KCNK18: variants seen among roughly 807,000 people sequenced by gnomAD.
The protein encoded by KCNK18 is potassium channel subfamily K member 18.
KCNK18 carries 8 observed loss-of-function variants against 11.8 expected under a neutral mutation model. The observed-to-expected ratio is 0.68, with a 90% CI of 0.40 to 1.22. The LOEUF (loss-of-function observed/expected upper bound fraction) is 1.22. Among genes scored for constraint, KCNK18 ranks in the 50% most tolerant of loss-of-function variants. The probability of loss-of-function intolerance (pLI) is 0.01; values close to 1 mark genes in which losing one functional copy is unlikely to be tolerated. For synonymous variants in KCNK18, 208 were observed against 185.8 expected (o/e 1.12, Z -0.97); for missense variants, 442 against 465.4 (o/e 0.95, Z 0.46).
intron 1 of KCNK18, 23 bp downstream of exon 1, chr10:117,197,734 G>A: frequency 6.2e-7 from 1 of 1,601,864 alleles, no homozygotes; most frequent in Non-Finnish European, 8.6e-7. Flanking sequence ...CCTGGACAGG[G>A]TGGGCCTTTT....
chr10:117,202,886 CTTTTTT>C (rs201850637), intron 2 of KCNK18, among the ~76,000 whole-genome samples: 2 of 123,014 alleles, frequency 1.6e-5, no homozygotes, highest in Admixed American at 9.0e-5. Context: ...TGCCTGAATG[CTTTTTT>C]TTTTTTTTTT....
chr10:117,209,435 GC>G (rs1855114889), intron 2 of KCNK18, 61 bp from the exon 3 acceptor site: 10 of 1,391,692 alleles, frequency 7.2e-6, no homozygotes, highest in Non-Finnish European at 1.0e-5. Flanking sequence ...TCTCTTTAAA[GC>G]TTTTGGGGGG....
At chr10:117,205,691 T>C (rs1855066919) in intron 2 of KCNK18, among the ~76,000 whole-genome samples, 1 of 152,168 alleles carries the variant, frequency 6.6e-6, no homozygotes, top group Non-Finnish European at 1.5e-5. Context: ...TCCCCACTCA[T>C]TGTCCTGCGT....
rs759966035 is a variant in KCNK18, at chr10:117,209,675, C to T, written c.531C>T (p.Leu177=). The T allele has an allele frequency of 2.7e-5, 43 of 1,614,158 alleles. 1 individual carries two copies. Among genetic ancestry groups the T allele is most frequent in the Non-Finnish European group, 3.1e-5 (36 of 1,180,028 alleles). The change falls in exon 3 of 3, where the codon CTC becomes CTT. Residue 177 remains leucine, a synonymous_variant. Coordinates refer to ENST00000334549, the MANE Select transcript of KCNK18 (RefSeq NM_181840.1). ...TCCCTTTCTTTACCCGCCCCCTCCT[C>T]TCCAAGTGGTGCCCCAAATCTCTCT... is the stretch of plus-strand genomic sequence containing the variant. ...RKFPFFTRPL[L]SKWCPKSLFK... is the part of the protein sequence containing the mutation.
At chr10:117,203,644 A>G (rs1855041380) in intron 2 of KCNK18, among the ~76,000 whole-genome samples, 1 of 152,046 alleles carries the variant, frequency 6.6e-6, no homozygotes, top group Non-Finnish European at 1.5e-5. Context: ...GGTTCAAGCA[A>G]TTTTCCTGTC....
At chr10:117,200,253 T>A (rs1054597167) in intron 1 of KCNK18, among the ~76,000 whole-genome samples, 2 of 152,036 alleles carry the variant, frequency 1.3e-5, no homozygotes, top group Non-Finnish European at 2.9e-5. Flanking sequence ...AATTTTTGTA[T>A]TTTTAGTAGA....
intron 1 of KCNK18, 147 bp downstream of exon 1, chr10:117,197,858 T>C (rs1854968744): frequency 1.4e-6 from 1 of 703,808 alleles, no homozygotes; most frequent in Non-Finnish European, 2.5e-6. Flanking sequence ...GAGTAACTTC[T>C]TTCTGAACCT....
chr10:117,197,738 G>A, intron 1 of KCNK18, 27 bp downstream of exon 1: 2 of 1,600,308 alleles, frequency 1.2e-6, no homozygotes, highest in Middle Eastern at 1.7e-4. Flanking sequence ...GACAGGGTGG[G>A]CCTTTTCTCC....
At chr10:117,209,464 G>T in intron 2 of KCNK18, 33 bp from the exon 3 acceptor site, 1 of 1,583,276 alleles carries the variant, frequency 6.3e-7, no homozygotes, top group Non-Finnish European at 8.7e-7. Flanking sequence ...GAAGGGGCCA[G>T]ATGCAAACTC....
In KCNK18 at chr10:117,209,458, G is replaced by A. The variant is rs755122453; in HGVS notation, c.353-39G>A. 5.2e-6 allele frequency: 8 copies of A among 1,541,020 alleles called. No homozygotes were observed. In the East Asian group the frequency reaches 9.0e-5, roughly 17 times the overall value. ...AAGCTTTTGGGGGGAAAAAGGGAAGGGGCCAGATGCAAACTCTAAGCTCCA... is the reference window on the plus strand; with the variant it reads ...AAGCTTTTGGGGGGAAAAAGGGAAGAGGCCAGATGCAAACTCTAAGCTCCA... On this transcript the variant is annotated intron_variant, in intron 2 of 2. Coordinates refer to ENST00000334549, the MANE Select transcript of KCNK18 (RefSeq NM_181840.1).
intron 1 of KCNK18, 104 bp downstream of exon 1, chr10:117,197,815 C>A: frequency 1.1e-6 from 1 of 907,720 alleles, no homozygotes; most frequent in South Asian, 1.4e-5. Context: ...GAGCTGCCTG[C>A]CTGGATCCTC....
Position 117,210,290 on chromosome 10 carries a change from T to C in KCNK18, c.1146T>C (p.Val382=). Residue 382 remains valine (V), a synonymous_variant, in exon 3 of 3, where the codon GTT becomes GTC. Transcript: ENST00000334549. ...CAAAAGGGAAGTTTTACCACCTTGT[T>C]AAAAAGTGAAGGTTTCATTATCTCT... ...FFAKGKFYHL[V]KK The C allele has an allele frequency of 2.5e-6, 4 of 1,612,518 alleles. No homozygotes were observed. The South Asian group carries it at 3.3e-5, about 13-fold the overall frequency.
chr10:117,201,047 A>C (rs1262921421), intron 1 of KCNK18, 112 bp from the exon 2 acceptor site: 2 of 1,349,328 alleles, frequency 1.5e-6, no homozygotes, highest in Non-Finnish European at 2.1e-6. Flanking sequence ...GATACTGACC[A>C]CAAGGCAAAG....
chr10:117,200,600 A>G (rs112004616), intron 1 of KCNK18, among the ~76,000 whole-genome samples: 10,154 of 152,152 alleles, frequency 0.067, 555 homozygotes, highest in Admixed American at 0.16. Flanking sequence ...AAGGTCAAGA[A>G]ATTGAGACCA....
intron 2 of KCNK18, among the ~76,000 whole-genome samples, chr10:117,204,265 A>G (rs1782829502): frequency 9.9e-6 from 1 of 100,826 alleles, no homozygotes; most frequent in African/African-American, 3.8e-5. Context: ...TGGATGGCAG[A>G]GTCTCAAAAA....
Position 117,209,672 on chromosome 10 carries a change from C to G in KCNK18, c.528C>G (p.Leu176=), listed in dbSNP as rs1855119902. ...AATTCCCTTTCTTTACCCGCCCCCT[C>G]CTCTCCAAGTGGTGCCCCAAATCTC... ...FRKFPFFTRP[L]LSKWCPKSLF... The change falls in exon 3 of 3, where the codon CTC becomes CTG. Residue 176 remains leucine, a synonymous_variant. Coordinates refer to ENST00000334549, the MANE Select transcript of KCNK18 (RefSeq NM_181840.1). 6.2e-7 allele frequency: 1 copy of G among 1,614,150 alleles called. No individual in the cohort carries two copies. Among genetic ancestry groups the G allele is most frequent in the East Asian group, 2.2e-5 (1 of 44,880 alleles).
intron 2 of KCNK18, among the ~76,000 whole-genome samples, chr10:117,207,091 C>T (rs190520037): frequency 9.1e-4 from 138 of 152,222 alleles, no homozygotes; most frequent in African/African-American, 3.1e-3. Flanking sequence ...TACAGTAGCA[C>T]GATCTCAGCT....
At chr10:117,198,068 G>A (rs1678043) in intron 1 of KCNK18, among the ~76,000 whole-genome samples, 82,861 of 151,864 alleles carry the variant, frequency 0.55, 24,708 homozygotes, top group Middle Eastern at 0.68. Context: ...GTGCATGGGT[G>A]AGCAAATCTG....
chr10:117,209,866 A>T lies in KCNK18; in HGVS notation c.722A>T (p.Gln241Leu). 1 of 1,614,184 alleles carries T rather than the reference A, an allele frequency of 6.2e-7. No homozygotes were observed. The highest frequency in any genetic ancestry group is 8.5e-7 in the Non-Finnish European group (1 of 1,180,030). ...GCGCTAGAGAAACAGAACACACTGC[A>T]ACTGCCCCCACAAGCCATGGAGAGG... ...SHALEKQNTLQLPPQAMERSN... is the reference protein window; with the variant it reads ...SHALEKQNTLLLPPQAMERSN... Residue 241 changes from glutamine (Q) to leucine (L), a missense_variant, in exon 3 of 3, where the codon CAA (glutamine) becomes CTA (leucine). Coordinates refer to ENST00000334549, the MANE Select transcript of KCNK18 (RefSeq NM_181840.1).
Sources: allele counts gnomAD v4.1 joint callset (sites outside exome capture counted in the v4.1 genomes callset), GRCh38; gene constraint gnomAD v4.1.1; transcripts MANE v1.5; gene names NCBI Gene and HGNC (gene_info 2026-07-23, HGNC 2026-07-21).